Variants in LSAMP observed in about 807,000 individuals in gnomAD.
The protein encoded by LSAMP is limbic system associated membrane protein.
A neutral mutation model predicts 38.6 loss-of-function variants in LSAMP; 7 were observed. The ratio of observed to expected loss-of-function variants is 0.18; its 90% CI spans 0.10 to 0.34. LSAMP has a LOEUF of 0.34. LSAMP is among the 10% of genes least tolerant of loss of function. LSAMP has a pLI of 1.00. For missense variants in LSAMP, 313 were observed against 420.0 expected, an observed-to-expected ratio of 0.75 and a Z score of 2.23; for synonymous variants, 154 against 166.8, an observed-to-expected ratio of 0.92 and a Z score of 0.59.
At chr3:116,028,366 G>A (rs570220950) in intron 2 of LSAMP, among the ~76,000 whole-genome samples, 8 of 152,266 alleles carry the variant, frequency 5.3e-5, no homozygotes, top group Admixed American at 5.2e-4. Context: ...ACTAGATTGA[G>A]AGCCAGGGGA....
chr3:116,354,452 A>G (rs2048192166), intron 1 of LSAMP, among the ~76,000 whole-genome samples: 1 of 152,170 alleles, frequency 6.6e-6, no homozygotes, highest in African/African-American at 2.4e-5. Context: ...TTACCAAAAC[A>G]TTGTTGTGAG....
intron 2 of LSAMP, among the ~76,000 whole-genome samples, chr3:116,064,346 T>C (rs1278572998): frequency 6.6e-6 from 1 of 151,914 alleles, no homozygotes; most frequent in Non-Finnish European, 1.5e-5. Context: ...ACCAACATGG[T>C]GAAACCCCGT....
At chr3:115,907,473 T>C (rs1937036438) in intron 3 of LSAMP, among the ~76,000 whole-genome samples, 1 of 152,104 alleles carries the variant, frequency 6.6e-6, no homozygotes, top group African/African-American at 2.4e-5. Flanking sequence ...CACTGGCACT[T>C]TCATCTTGGA....
At chr3:116,084,356 GA>G (rs1166143174) in intron 2 of LSAMP, among the ~76,000 whole-genome samples, 89 of 106,590 alleles carry the variant, frequency 8.3e-4, no homozygotes, top group African/African-American at 2.2e-3. Flanking sequence ...AGGTAAATAA[GA>G]AAAAAAAAAG....
intron 1 of LSAMP, among the ~76,000 whole-genome samples, chr3:116,226,142 C>T (rs1427513253): frequency 6.6e-6 from 1 of 152,150 alleles, no homozygotes; most frequent in African/African-American, 2.4e-5. Flanking sequence ...ACTTGGTAAG[C>T]TGCTATACAA....
intron 1 of LSAMP, among the ~76,000 whole-genome samples, chr3:116,300,469 C>T (rs999492681): frequency 3.9e-5 from 6 of 152,120 alleles, no homozygotes; most frequent in Non-Finnish European, 5.9e-5. Context: ...ATCAGGGGTC[C>T]CCAGCCCCAT....
chr3:116,149,233 G>T (rs1030763841), intron 1 of LSAMP, among the ~76,000 whole-genome samples: 4 of 151,932 alleles, frequency 2.6e-5, no homozygotes, highest in African/African-American at 9.7e-5. Context: ...AGAAAAAAAG[G>T]GAAAGAAAAA....
At chr3:115,887,165 C>A (rs1235589005) in intron 3 of LSAMP, among the ~76,000 whole-genome samples, 1 of 151,688 alleles carries the variant, frequency 6.6e-6, no homozygotes, top group Non-Finnish European at 1.5e-5. Flanking sequence ...CATGTTTTAG[C>A]AAATTCATTT....
chr3:116,274,423 C>T (rs1032351132), intron 1 of LSAMP, among the ~76,000 whole-genome samples: 9 of 152,064 alleles, frequency 5.9e-5, no homozygotes, highest in African/African-American at 9.7e-5. Flanking sequence ...CTGACTGAAA[C>T]GAATACCACT....
At chr3:115,879,672 G>A (rs1053133420) in intron 3 of LSAMP, among the ~76,000 whole-genome samples, 2 of 152,088 alleles carry the variant, frequency 1.3e-5, no homozygotes, top group African/African-American at 2.4e-5. Context: ...TTTAAGACTA[G>A]TAGTTACCCC....
chr3:116,028,875 A>G (rs1188719367), intron 2 of LSAMP, among the ~76,000 whole-genome samples: 1 of 152,106 alleles, frequency 6.6e-6, no homozygotes, highest in Non-Finnish European at 1.5e-5. Flanking sequence ...AAAGATATGT[A>G]TTGAGCTTTT....
intron 1 of LSAMP, among the ~76,000 whole-genome samples, chr3:116,147,681 C>T (rs1023553862): frequency 1.3e-4 from 19 of 151,786 alleles, no homozygotes. Flanking sequence ...ATATTTAGTC[C>T]TCGGGTCCAT....
intron 1 of LSAMP, among the ~76,000 whole-genome samples, chr3:116,158,795 G>A (rs1709816665): frequency 6.6e-6 from 1 of 152,020 alleles, no homozygotes; most frequent in South Asian, 2.1e-4. Flanking sequence ...TACAGATTCA[G>A]AGATATTCCT....
At chr3:115,903,368 A>C (rs1373184278) in intron 3 of LSAMP, among the ~76,000 whole-genome samples, 1 of 152,204 alleles carries the variant, frequency 6.6e-6, no homozygotes, top group Non-Finnish European at 1.5e-5. Context: ...GGAGAGGATC[A>C]GGAAAAGTCA....
chr3:116,377,287 TTC>T (rs2048506128), intron 1 of LSAMP, among the ~76,000 whole-genome samples: 1 of 151,944 alleles, frequency 6.6e-6, no homozygotes, highest in South Asian at 2.1e-4. Flanking sequence ...TGTCCATGTG[TTC>T]TCATTGTTCA....
intron 1 of LSAMP, among the ~76,000 whole-genome samples, chr3:116,184,033 T>C (rs1710551504): frequency 6.6e-6 from 1 of 151,792 alleles, no homozygotes; most frequent in Non-Finnish European, 1.5e-5. Flanking sequence ...TGCTGTACGA[T>C]GTCAACTTTA....
chr3:116,357,039 C>T (rs945036222), intron 1 of LSAMP, among the ~76,000 whole-genome samples: 1 of 152,064 alleles, frequency 6.6e-6, no homozygotes, highest in African/African-American at 2.4e-5. Flanking sequence ...GTGATCCACC[C>T]GCCTCGGCCT....
intron 1 of LSAMP, among the ~76,000 whole-genome samples, chr3:116,387,708 AAAT>A (rs923129920): frequency 2.0e-5 from 3 of 152,102 alleles, no homozygotes; most frequent in Non-Finnish European, 4.4e-5. Flanking sequence ...GAAAATAAAA[AAAT>A]AATATAGAAA....
chr3:115,918,821 T>C (rs72955570), intron 3 of LSAMP, among the ~76,000 whole-genome samples: 4,537 of 151,690 alleles, frequency 0.03, 215 homozygotes, highest in African/African-American at 0.1. Flanking sequence ...CCAGATCAGA[T>C]AATGCTATCA....
Sources: gnomAD v4.1 joint callset for allele counts (sites outside exome capture counted in the v4.1 genomes callset) on GRCh38, gnomAD v4.1.1 for gene constraint, MANE v1.5 for transcripts, NCBI Gene and HGNC (gene_info 2026-07-23, HGNC 2026-07-21) for gene names.